Variants in CHRM3 observed in about 807,000 individuals in gnomAD.
CHRM3 encodes muscarinic acetylcholine receptor M3.
Under a neutral mutation model 41.8 loss-of-function variants are expected in CHRM3, and 11 were observed. That is an observed-to-expected ratio of 0.26 (90% CI 0.17 to 0.44). The LOEUF (loss-of-function observed/expected upper bound fraction) is 0.44, where lower values mean the gene tolerates loss of function less well. Among genes scored for constraint, CHRM3 ranks in the 20% least tolerant of loss-of-function variants. The pLI is 1.00. For synonymous variants in CHRM3, 297 were observed against 301.4 expected (o/e 0.99, Z 0.15); for missense variants, 571 against 745.4 (o/e 0.77, Z 2.72).
chr1:239,878,616 T>C (rs1046886169), intron 6 of CHRM3, among the ~76,000 whole-genome samples: 2 of 151,916 alleles, frequency 1.3e-5, no homozygotes, highest in East Asian at 3.9e-4. Context: ...TTTTTTTTAA[T>C]GAAATCTCTC....
chr1:239,907,507 C>G lies in CHRM3; in HGVS notation c.56C>G (p.Ser19Cys). 2 of 1,614,216 alleles carry G rather than the reference C, an allele frequency of 1.2e-6. No homozygotes were observed. Among genetic ancestry groups the G allele is most frequent in the South Asian group, 1.1e-5 (1 of 91,076 alleles). ...CCTTTGTTTCCAAACATCAGCTCCT[C>G]CTGGATACACAGCCCCTCCGATGCA... Reference protein sequence around the residue: ...TSPLFPNISSSWIHSPSDAGL... With the variant: ...TSPLFPNISSCWIHSPSDAGL... The change falls in exon 7 of 7, where the codon TCC (serine) becomes TGC (cysteine). Residue 19 changes from serine to cysteine, a missense_variant. By Grantham distance (112) the Ser-to-Cys change is moderately radical (BLOSUM62 -1). Coordinates refer to ENST00000676153, the MANE Select transcript of CHRM3 (RefSeq NM_001375978.1). The surrounding 1 kb of genome is among the most constrained non-coding windows in gnomAD (Gnocchi z 5.4).
chr1:239,758,738 A>AT (rs1666443833), intron 5 of CHRM3, among the ~76,000 whole-genome samples: 1 of 152,118 alleles, frequency 6.6e-6, no homozygotes, highest in Non-Finnish European at 1.5e-5. Flanking sequence ...GTTCTAAGAT[A>AT]TTTTTCCCCC....
chr1:239,851,533 T>C (rs1674695149), intron 6 of CHRM3, among the ~76,000 whole-genome samples: 1 of 152,148 alleles, frequency 6.6e-6, no homozygotes, highest in Admixed American at 6.5e-5. Flanking sequence ...ACAAATGAAA[T>C]TGAGGTCTTT....
intron 2 of CHRM3, among the ~76,000 whole-genome samples, chr1:239,522,163 G>C (rs1669693016): frequency 6.6e-6 from 1 of 152,210 alleles, no homozygotes; most frequent in South Asian, 2.1e-4. Flanking sequence ...ATAAACAGTG[G>C]TGTGCAATTT....
chr1:239,749,011 C>T (rs1007680673), intron 5 of CHRM3, among the ~76,000 whole-genome samples: 1 of 152,096 alleles, frequency 6.6e-6, no homozygotes, highest in African/African-American at 2.4e-5. Flanking sequence ...GTAGGGAAAA[C>T]CTGGGGTCTG....
chr1:239,835,271 A>T (rs773279900), intron 6 of CHRM3, among the ~76,000 whole-genome samples: 2 of 152,212 alleles, frequency 1.3e-5, no homozygotes, highest in Non-Finnish European at 2.9e-5. Flanking sequence ...TTGTTTGAAG[A>T]TGAACAGAGC....
chr1:239,549,279 A>G (rs1659583084), intron 3 of CHRM3, among the ~76,000 whole-genome samples: 2 of 152,024 alleles, frequency 1.3e-5, no homozygotes, highest in Non-Finnish European at 2.9e-5. Flanking sequence ...GTGGATTTCT[A>G]CTTATCTTTG....
intron 5 of CHRM3, among the ~76,000 whole-genome samples, chr1:239,721,569 T>C (rs1662971969): frequency 6.6e-6 from 1 of 151,960 alleles, no homozygotes; most frequent in South Asian, 2.1e-4. Context: ...AGTAAGAGTT[T>C]GTATTTTAAT....
At chr1:239,433,350 C>T (rs1272878226) in intron 1 of CHRM3, among the ~76,000 whole-genome samples, 2 of 152,198 alleles carry the variant, frequency 1.3e-5, no homozygotes, top group Non-Finnish European at 2.9e-5. Context: ...GCTCTAAGCA[C>T]CTCCTTCTAA....
At chr1:239,524,816 T>C (rs1782354) in intron 2 of CHRM3, among the ~76,000 whole-genome samples, 80,422 of 152,024 alleles carry the variant, frequency 0.53, 21,520 homozygotes, top group Middle Eastern at 0.66. Flanking sequence ...GGTTCCATCC[T>C]GCCACGGCTC....
At chr1:239,868,600 C>T (rs1348928283) in intron 6 of CHRM3, among the ~76,000 whole-genome samples, 1 of 152,184 alleles carries the variant, frequency 6.6e-6, no homozygotes, top group Non-Finnish European at 1.5e-5. Flanking sequence ...CTAGGGAGTT[C>T]TCAAATCTGT....
Position 239,609,982 on chromosome 1 carries a change from G to A in CHRM3, c.-312-22242G>A, listed in dbSNP as rs1055489703. On this transcript the variant is annotated intron_variant, in intron 3 of 6. Transcript: ENST00000676153. ...CCGAGGTGGGTGGATCACGAGGTCA[G>A]GAGATCAAGACCATCCTGGCTAACA... is the stretch of plus-strand genomic sequence containing the variant. Among the ~76,000 whole-genome samples, 3 of 151,872 alleles carry A rather than the reference G, an allele frequency of 2.0e-5. No individual in the cohort carries two copies. The East Asian group carries it at 5.8e-4, about 29-fold the overall frequency.
At chr1:239,770,117 G>C (rs1295342081) in intron 5 of CHRM3, among the ~76,000 whole-genome samples, 1 of 152,102 alleles carries the variant, frequency 6.6e-6, no homozygotes, top group African/African-American at 2.4e-5. Context: ...ACTGACTGTG[G>C]AAAATTCCAC....
rs1680253845 is a variant in CHRM3 at position 239,909,772 on chromosome 1, T to C, written c.*548T>C. On this transcript the variant is annotated 3_prime_UTR_variant, in exon 7 of 7. Coordinates refer to ENST00000676153, the MANE Select transcript of CHRM3 (RefSeq NM_001375978.1). Reference sequence around the variant, plus strand: ...GTGTTGTTAAACTCTATTTGTGGACTTGATTCTTGATTCTTGCAAAGTACT... The same window carrying C: ...GTGTTGTTAAACTCTATTTGTGGACCTGATTCTTGATTCTTGCAAAGTACT... 6.0e-6 allele frequency: 1 copy of C among 167,980 alleles called. No individual in the cohort carries two copies. The highest frequency in any genetic ancestry group is 1.5e-5 in the Non-Finnish European group (1 of 68,810). The allele number at this position is 167,980 out of a possible 1,614,324, so 10.4% of individuals were successfully genotyped here.
At chr1:239,881,282 C>CAAA (rs71567253) in intron 6 of CHRM3, among the ~76,000 whole-genome samples, 2,249 of 33,918 alleles carry the variant, frequency 0.066, 658 homozygotes, top group African/African-American at 0.22. Flanking sequence ...GACTCCGTCT[C>CAAA]AAAAAAAAAA....
chr1:239,770,878 G>T (rs1444776629), intron 5 of CHRM3, among the ~76,000 whole-genome samples: 1 of 152,200 alleles, frequency 6.6e-6, no homozygotes, highest in East Asian at 1.9e-4. Context: ...CTTGAGGTCA[G>T]GAGTTTGAGA....
intron 3 of CHRM3, among the ~76,000 whole-genome samples, chr1:239,607,994 A>G (rs947336638): frequency 1.3e-5 from 2 of 152,182 alleles, no homozygotes; most frequent in Non-Finnish European, 2.9e-5. Context: ...GAGTTTATGT[A>G]TTTTAAAAGG....
chr1:239,744,572 G>C (rs940177536), intron 5 of CHRM3, among the ~76,000 whole-genome samples: 5 of 152,176 alleles, frequency 3.3e-5, no homozygotes, highest in African/African-American at 1.2e-4. Flanking sequence ...TTCCCAAAAA[G>C]CACTCAGGTC....
chr1:239,658,935 A>G (rs1433974352), intron 4 of CHRM3, among the ~76,000 whole-genome samples: 1 of 151,994 alleles, frequency 6.6e-6, no homozygotes, highest in East Asian at 1.9e-4. Context: ...GACGGGTGTC[A>G]CCGTGTTAGC....
Sources: allele counts gnomAD v4.1 joint callset (sites outside exome capture counted in the v4.1 genomes callset), GRCh38; gene constraint gnomAD v4.1.1; non-coding constraint Gnocchi (gnomAD v3.1); transcripts MANE v1.5; gene names NCBI Gene and HGNC (gene_info 2026-07-23, HGNC 2026-07-21).